FHOD3: variants seen among roughly 807,000 people sequenced by gnomAD.
FHOD3 encodes formin homology 2 domain containing 3.
A neutral mutation model predicts 173.0 loss-of-function variants in FHOD3; 90 were observed. That is an observed-to-expected ratio of 0.52 (90% CI 0.44 to 0.62). The LOEUF (loss-of-function observed/expected upper bound fraction) is 0.62. Among genes scored for constraint, FHOD3 ranks in the 20% least tolerant of loss-of-function variants. The pLI is 0.00. For missense variants in FHOD3, 1,945 were observed against 2,034.7 expected, an observed-to-expected ratio of 0.96 and a Z score of 0.85; for synonymous variants, 828 against 823.0, an observed-to-expected ratio of 1.01 and a Z score of -0.10.
chr18:36,516,401 A>G (rs2055979061), intron 5 of FHOD3, among the ~76,000 whole-genome samples: 1 of 152,216 alleles, frequency 6.6e-6, no homozygotes, highest in Admixed American at 6.5e-5. Context: ...AAACACCTGC[A>G]TTGTGGCTTC....
At chr18:36,365,730 G>C (rs1216563462) in intron 2 of FHOD3, among the ~76,000 whole-genome samples, 5 of 152,174 alleles carry the variant, frequency 3.3e-5, no homozygotes, top group Non-Finnish European at 7.3e-5. Context: ...CTATGGAAGA[G>C]AGACACTGAG....
In FHOD3 at chr18:36,483,273, T is replaced by C. The variant is rs192009593; in HGVS notation, c.338-18659T>C. 3.0e-3 allele frequency among the ~76,000 whole-genome samples: 454 copies of C among 152,248 alleles called. 1 individual carries two copies. Among genetic ancestry groups the C allele is most frequent in the Non-Finnish European group, 4.5e-3 (308 of 68,020 alleles). Reference sequence around the variant, plus strand: ...GCCCAGGACTAAGCCAGCAGAAAAGTGTGGCTGATGGAGAGGCAGGAGCAG... The same window carrying C: ...GCCCAGGACTAAGCCAGCAGAAAAGCGTGGCTGATGGAGAGGCAGGAGCAG... On this transcript the variant is annotated intron_variant, in intron 3 of 28. Transcript: ENST00000590592.
At chr18:36,758,104 C>T (rs2042709587) in intron 25 of FHOD3, among the ~76,000 whole-genome samples, 1 of 152,084 alleles carries the variant, frequency 6.6e-6, no homozygotes, top group African/African-American at 2.4e-5. Context: ...GCCAGCCATC[C>T]CAGGTTATAT....
At chr18:36,435,924 G>T (rs528685985) in intron 3 of FHOD3, among the ~76,000 whole-genome samples, 48 of 152,086 alleles carry the variant, frequency 3.2e-4, no homozygotes, top group Non-Finnish European at 6.0e-4. Context: ...TCATTGCAAC[G>T]ACAGAAAAAT....
At chr18:36,647,573 T>C (rs2035776215) in intron 10 of FHOD3, among the ~76,000 whole-genome samples, 1 of 152,214 alleles carries the variant, frequency 6.6e-6, no homozygotes, top group Non-Finnish European at 1.5e-5. Context: ...GCATATCTTA[T>C]GACCCAAAAA....
At chr18:36,424,498 G>C (rs2050145232) in intron 3 of FHOD3, among the ~76,000 whole-genome samples, 1 of 152,062 alleles carries the variant, frequency 6.6e-6, no homozygotes, top group Non-Finnish European at 1.5e-5. Flanking sequence ...AGTACGTGAG[G>C]GCAGAGCCTT....
intron 16 of FHOD3, among the ~76,000 whole-genome samples, chr18:36,690,109 G>A (rs1446130072): frequency 6.6e-6 from 1 of 152,064 alleles, no homozygotes; most frequent in Non-Finnish European, 1.5e-5. Flanking sequence ...TCATCCCAGT[G>A]GTTTATTTGT....
intron 3 of FHOD3, among the ~76,000 whole-genome samples, chr18:36,472,328 A>G (rs1332159467): frequency 6.6e-6 from 1 of 152,208 alleles, no homozygotes; most frequent in Non-Finnish European, 1.5e-5. Context: ...TCCCTGTTTT[A>G]TGGATGAGAA....
intron 10 of FHOD3, among the ~76,000 whole-genome samples, chr18:36,628,971 T>A (rs2148835332): frequency 6.6e-6 from 1 of 152,364 alleles, no homozygotes; most frequent in African/African-American, 2.4e-5. Flanking sequence ...TTCATCCTGC[T>A]GATTTCCACA....
At position 36,592,236 on chromosome 18, in the gene FHOD3, C is replaced by A. The variant is rs1025677211; in HGVS notation, c.607-2551C>A. Among the ~76,000 whole-genome samples, 14 of 152,168 alleles carry A rather than the reference C, an allele frequency of 9.2e-5. No homozygotes were observed. The Middle Eastern group carries it at 0.01, about 111-fold the overall frequency. Reference sequence around the variant, plus strand: ...TCCATCTCAAAAAAAATAAATAAATCAGGGTGATGTGTTAGTGACCAAGGG... The same window carrying A: ...TCCATCTCAAAAAAAATAAATAAATAAGGGTGATGTGTTAGTGACCAAGGG... On this transcript the variant is annotated intron_variant, in intron 6 of 28. Transcript: ENST00000590592.
intron 5 of FHOD3, among the ~76,000 whole-genome samples, chr18:36,555,267 C>G (rs773379569): frequency 2.6e-5 from 4 of 151,542 alleles, no homozygotes; most frequent in Non-Finnish European, 5.9e-5. Flanking sequence ...CTTTTAATTT[C>G]TCTTTTGGTT....
intron 10 of FHOD3, among the ~76,000 whole-genome samples, chr18:36,636,302 G>A (rs1346900302): frequency 6.6e-6 from 1 of 152,310 alleles, no homozygotes; most frequent in East Asian, 1.9e-4. Context: ...AGATGGAGCA[G>A]GGGCTATCTA....
At chr18:36,376,070 T>C (rs981523993) in intron 3 of FHOD3, among the ~76,000 whole-genome samples, 6 of 152,156 alleles carry the variant, frequency 3.9e-5, no homozygotes, top group Admixed American at 1.3e-4. Context: ...AGAAAATAAA[T>C]TTTTTGGTCC....
intron 3 of FHOD3, among the ~76,000 whole-genome samples, chr18:36,483,201 T>A (rs1377250610): frequency 6.6e-6 from 1 of 152,196 alleles, no homozygotes; most frequent in African/African-American, 2.4e-5. Flanking sequence ...AAGATTCTAC[T>A]TTGTAACTTA....
intron 5 of FHOD3, among the ~76,000 whole-genome samples, chr18:36,541,249 C>CAAAA (rs770104487): frequency 3.1e-3 from 115 of 36,508 alleles, no homozygotes; most frequent in Non-Finnish European, 4.1e-3. Flanking sequence ...GACTCTGTCT[C>CAAAA]AAAAAAAAAA....
chr18:36,477,021 A>G (rs1599296172), intron 3 of FHOD3, among the ~76,000 whole-genome samples: 1 of 152,228 alleles, frequency 6.6e-6, no homozygotes, highest in Admixed American at 6.5e-5. Context: ...GTGTGCTGTG[A>G]GACCTGCAAG....
At position 36,693,850 on chromosome 18, in the gene FHOD3, C is replaced by T. The variant is rs539384113; in HGVS notation, c.2236+427C>T. 5.3e-5 allele frequency among the ~76,000 whole-genome samples: 8 copies of T among 152,056 alleles called. No homozygotes were observed. The South Asian group carries it at 1.7e-3, about 32-fold the overall frequency. Reference sequence around the variant, plus strand: ...GGAGAATAAAATTAATTACAGCAAGCAAAGAAAAATGTGGACCTAGTGAAA... The same window carrying T: ...GGAGAATAAAATTAATTACAGCAAGTAAAGAAAAATGTGGACCTAGTGAAA... On this transcript the variant is annotated intron_variant, in intron 17 of 28. Coordinates refer to ENST00000590592, the MANE Select transcript of FHOD3 (RefSeq NM_001281740.3).
intron 3 of FHOD3, among the ~76,000 whole-genome samples, chr18:36,393,988 C>T (rs2048428946): frequency 6.6e-6 from 1 of 152,078 alleles, no homozygotes; most frequent in South Asian, 2.1e-4. Flanking sequence ...ATTTAAATAA[C>T]AAGAAGGGGC....
In FHOD3 at chr18:36,679,124, A is replaced by G. The variant is rs118045723; in HGVS notation, c.1836-2312A>G. 2.5e-3 allele frequency among the ~76,000 whole-genome samples: 378 copies of G among 152,128 alleles called. 2 individuals carry two copies. The highest frequency in any genetic ancestry group is 4.1e-3 in the Non-Finnish European group (281 of 67,976). On this transcript the variant is annotated intron_variant, in intron 14 of 28. Coordinates refer to ENST00000590592, the MANE Select transcript of FHOD3 (RefSeq NM_001281740.3). ...GTTAACAGGGCTATTCAAAATTTCTATTTCTTTCTCAATCAGATTTGGTCA... is the reference window on the plus strand; with the variant it reads ...GTTAACAGGGCTATTCAAAATTTCTGTTTCTTTCTCAATCAGATTTGGTCA...
Sources: gnomAD v4.1 joint callset for allele counts (sites outside exome capture counted in the v4.1 genomes callset) on GRCh38, gnomAD v4.1.1 for gene constraint, MANE v1.5 for transcripts, NCBI Gene and HGNC (gene_info 2026-07-23, HGNC 2026-07-21) for gene names.